Variants in CWC27 observed in about 807,000 individuals in gnomAD.
CWC27 encodes CWC27 spliceosome associated cyclophilin, also known as spliceosome-associated protein CWC27 homolog.
CWC27 carries 47 observed loss-of-function variants against 63.6 expected under a neutral mutation model. That is an observed-to-expected ratio of 0.74 (90% CI 0.58 to 0.94). The LOEUF (loss-of-function observed/expected upper bound fraction) is 0.94, where lower values mean the gene tolerates loss of function less well. CWC27 is among the 40% of genes least tolerant of loss of function. The probability of loss-of-function intolerance (pLI) is 0.00; values close to 1 mark genes in which losing one functional copy is unlikely to be tolerated. For synonymous variants in CWC27, 175 were observed against 179.8 expected (o/e 0.97, Z 0.22); for missense variants, 495 against 554.3 (o/e 0.89, Z 1.07).
At chr5:64,995,752 A>G (rs1749619370) in intron 13 of CWC27, among the ~76,000 whole-genome samples, 2 of 152,204 alleles carry the variant, frequency 1.3e-5, no homozygotes, top group South Asian at 4.1e-4. Flanking sequence ...TAGCAATGTA[A>G]TACTGTTTAG....
At chr5:64,824,698 C>A (rs1055562046) in intron 10 of CWC27, among the ~76,000 whole-genome samples, 1 of 149,706 alleles carries the variant, frequency 6.7e-6, no homozygotes, top group African/African-American at 2.4e-5. Context: ...CTAGAAGGCA[C>A]CCCCCAGGGG....
At chr5:64,945,476 C>T (rs1337502752) in intron 11 of CWC27, among the ~76,000 whole-genome samples, 1 of 152,148 alleles carries the variant, frequency 6.6e-6, no homozygotes, top group Non-Finnish European at 1.5e-5. Context: ...TAAACCACTT[C>T]TCCTTTTGTT....
At chr5:65,012,593 AT>A (rs1489881468) in intron 13 of CWC27, among the ~76,000 whole-genome samples, 1 of 152,224 alleles carries the variant, frequency 6.6e-6, no homozygotes. Flanking sequence ...GGCAGCATGC[AT>A]TAAAAGCCCC....
chr5:64,816,856 T>C (rs1561420398), intron 10 of CWC27, among the ~76,000 whole-genome samples: 1 of 152,194 alleles, frequency 6.6e-6, no homozygotes, highest in East Asian at 1.9e-4. Flanking sequence ...GATTTTCTTG[T>C]TTTTCCTGGA....
At chr5:64,885,312 A>C (rs1358862426) in intron 10 of CWC27, 131 bp from the exon 11 acceptor site, 2 of 598,124 alleles carry the variant, frequency 3.3e-6, no homozygotes, top group Admixed American at 3.3e-5. Context: ...ATACATACAC[A>C]GAAACAAAAT....
At chr5:64,940,909 C>T (rs1201013139) in intron 11 of CWC27, among the ~76,000 whole-genome samples, 2 of 137,278 alleles carry the variant, frequency 1.5e-5, no homozygotes. Flanking sequence ...TGGAATGGCA[C>T]GATCTTGGCT....
intron 11 of CWC27, among the ~76,000 whole-genome samples, chr5:64,968,776 C>G (rs891770843): frequency 6.6e-6 from 1 of 152,132 alleles, no homozygotes; most frequent in African/African-American, 2.4e-5. Flanking sequence ...GTTATATGCT[C>G]TATACAATAC....
chr5:64,914,822 TAGTG>T (rs1224695597), intron 11 of CWC27, among the ~76,000 whole-genome samples: 1 of 152,120 alleles, frequency 6.6e-6, no homozygotes, highest in Non-Finnish European at 1.5e-5. Flanking sequence ...TTATTTTTAA[TAGTG>T]AGAAACAAGA....
chr5:64,923,585 A>G (rs1313950249), intron 11 of CWC27, among the ~76,000 whole-genome samples: 1 of 143,486 alleles, frequency 7.0e-6, no homozygotes, highest in Non-Finnish European at 1.5e-5. Context: ...GGTCTGTCTC[A>G]ATGGGAGAGG....
intron 11 of CWC27, among the ~76,000 whole-genome samples, chr5:64,944,261 A>G (rs1748545405): frequency 6.6e-6 from 1 of 151,176 alleles, no homozygotes; most frequent in African/African-American, 2.4e-5. Context: ...CTAGAAAAAA[A>G]CTCCTTAAAG....
At chr5:64,886,203 A>G (rs1022746447) in intron 11 of CWC27, among the ~76,000 whole-genome samples, 1 of 152,294 alleles carries the variant, frequency 6.6e-6, no homozygotes, top group East Asian at 1.9e-4. Flanking sequence ...GCTTCAAAAA[A>G]AAAGCTTTTT....
At chr5:64,833,745 C>A (rs147882177) in intron 10 of CWC27, among the ~76,000 whole-genome samples, 1 of 151,748 alleles carries the variant, frequency 6.6e-6, no homozygotes, top group African/African-American at 2.4e-5. Context: ...ACCATTTTTG[C>A]CACACAATGT....
In CWC27 at chr5:64,769,130, C is replaced by T. The variant is rs760666501; in HGVS notation, c.-17C>T. Reference sequence around the variant, plus strand: ...TCTCATCCCCCGTAAGGAGCAGAGTCCTTTGTACTGACCAAGATGAGCAAC... The same window carrying T: ...TCTCATCCCCCGTAAGGAGCAGAGTTCTTTGTACTGACCAAGATGAGCAAC... On this transcript the variant is annotated 5_prime_UTR_variant, in exon 1 of 14. Transcript: ENST00000381070. 2.5e-6 allele frequency: 4 copies of T among 1,613,420 alleles called. No homozygotes were observed. The highest frequency in any genetic ancestry group is 3.4e-6 in the Non-Finnish European group (4 of 1,179,648).
intron 13 of CWC27, among the ~76,000 whole-genome samples, chr5:64,994,888 T>A (rs1749603866): frequency 6.6e-6 from 1 of 152,236 alleles, no homozygotes; most frequent in Non-Finnish European, 1.5e-5. Flanking sequence ...TATTTATTTG[T>A]TTGCTGGTAG....
intron 10 of CWC27, among the ~76,000 whole-genome samples, chr5:64,863,920 G>T (rs1379788069): frequency 6.6e-6 from 1 of 152,104 alleles, no homozygotes; most frequent in Non-Finnish European, 1.5e-5. Context: ...TTCTTGTCCT[G>T]AATCAGTTAC....
At chr5:64,836,591 A>G (rs1286288009) in intron 10 of CWC27, among the ~76,000 whole-genome samples, 1 of 152,000 alleles carries the variant, frequency 6.6e-6, no homozygotes, top group African/African-American at 2.4e-5. Flanking sequence ...TACTTTTAGT[A>G]TGTGGTTAGG....
At chr5:64,943,909 C>G (rs775231660) in intron 11 of CWC27, among the ~76,000 whole-genome samples, 2 of 152,046 alleles carry the variant, frequency 1.3e-5, no homozygotes, top group East Asian at 3.9e-4. Flanking sequence ...TTTCTTAAGT[C>G]TGAGCAACAA....
chr5:64,841,424 A>G (rs1254002271), intron 10 of CWC27, among the ~76,000 whole-genome samples: 2 of 152,200 alleles, frequency 1.3e-5, no homozygotes, highest in Non-Finnish European at 2.9e-5. Context: ...GAATTTCAAC[A>G]TGAGTTTTGG....
intron 12 of CWC27, 114 bp downstream of exon 12, chr5:64,971,926 A>C (rs1308796466): frequency 2.3e-5 from 12 of 529,518 alleles, no homozygotes; most frequent in Non-Finnish European, 3.9e-5. Flanking sequence ...CCTCTTAAAA[A>C]TAAAAAAGAA....
Sources: allele counts gnomAD v4.1 joint callset (sites outside exome capture counted in the v4.1 genomes callset), GRCh38; gene constraint gnomAD v4.1.1; transcripts MANE v1.5; gene names NCBI Gene and HGNC (gene_info 2026-07-23, HGNC 2026-07-21).